Variants in FSTL5 observed in about 807,000 individuals in gnomAD.
The protein encoded by FSTL5 is follistatin like 5, also known as follistatin-related protein 5.
Under a neutral mutation model 89.1 loss-of-function variants are expected in FSTL5, and 62 were observed. The ratio of observed to expected loss-of-function variants is 0.70; its 90% CI spans 0.57 to 0.86. The LOEUF (loss-of-function observed/expected upper bound fraction) is 0.86, where lower values mean the gene tolerates loss of function less well. Among genes scored for constraint, FSTL5 ranks in the 40% least tolerant of loss-of-function variants. The pLI, the probability that FSTL5 is intolerant of heterozygous loss-of-function variation, is 0.00. For missense variants in FSTL5, 1,057 were observed against 1,001.6 expected, an observed-to-expected ratio of 1.06 and a Z score of -0.75; for synonymous variants, 383 against 346.2, an observed-to-expected ratio of 1.11 and a Z score of -1.18.
chr4:161,964,278 C>A (rs1469630636), intron 3 of FSTL5, among the ~76,000 whole-genome samples: 1 of 152,026 alleles, frequency 6.6e-6, no homozygotes, highest in Non-Finnish European at 1.5e-5. Flanking sequence ...CAGAAAATGA[C>A]ATCTTCACAC....
At chr4:161,453,503 G>A (rs1364448442) in intron 15 of FSTL5, among the ~76,000 whole-genome samples, 1 of 152,038 alleles carries the variant, frequency 6.6e-6, no homozygotes, top group Non-Finnish European at 1.5e-5. Flanking sequence ...TTAAGTCCCT[G>A]AGCTATTACA....
chr4:162,074,168 C>T (rs1274590379), intron 2 of FSTL5, among the ~76,000 whole-genome samples: 2 of 151,738 alleles, frequency 1.3e-5, no homozygotes, highest in Non-Finnish European at 2.9e-5. Context: ...AAGTATTTTG[C>T]TCACCACTTA....
chr4:161,811,752 A>G (rs1730154615), intron 4 of FSTL5, among the ~76,000 whole-genome samples: 1 of 152,184 alleles, frequency 6.6e-6, no homozygotes, highest in Non-Finnish European at 1.5e-5. Context: ...AGAAAATTTT[A>G]TGCGCAATAA....
At chr4:161,477,143 A>AT (rs146139397) in intron 13 of FSTL5, among the ~76,000 whole-genome samples, 58,041 of 151,262 alleles carry the variant, frequency 0.38, 11,160 homozygotes, top group East Asian at 0.41. Context: ...TTTTATAATT[A>AT]TTTTTTAAAT....
At chr4:161,582,448 A>G (rs1243238033) in intron 8 of FSTL5, among the ~76,000 whole-genome samples, 3 of 152,134 alleles carry the variant, frequency 2.0e-5, no homozygotes, top group Admixed American at 6.5e-5. Context: ...CTCGTTCCCA[A>G]CTACTGTTTG....
intron 6 of FSTL5, among the ~76,000 whole-genome samples, chr4:161,691,498 T>G (rs1359383070): frequency 6.6e-6 from 1 of 152,144 alleles, no homozygotes; most frequent in Non-Finnish European, 1.5e-5. Flanking sequence ...TCAACATTAT[T>G]TTGGTTATTG....
intron 12 of FSTL5, among the ~76,000 whole-genome samples, chr4:161,494,288 T>C (rs1729990075): frequency 6.6e-6 from 1 of 152,160 alleles, no homozygotes; most frequent in Non-Finnish European, 1.5e-5. Flanking sequence ...ATTCCCTTTC[T>C]GAAAGACAGT....
chr4:161,778,100 AC>A (rs1741486317), intron 4 of FSTL5, among the ~76,000 whole-genome samples: 1 of 147,554 alleles, frequency 6.8e-6, no homozygotes, highest in South Asian at 2.1e-4. Context: ...TATCACACAC[AC>A]ACACACACAC....
intron 4 of FSTL5, among the ~76,000 whole-genome samples, chr4:161,893,815 T>C (rs2110763765): frequency 6.6e-6 from 1 of 152,322 alleles, no homozygotes; most frequent in Middle Eastern, 3.4e-3. Flanking sequence ...GTTCTCTAAA[T>C]TGACATCAGC....
intron 3 of FSTL5, among the ~76,000 whole-genome samples, chr4:161,995,103 G>A (rs992013474): frequency 9.9e-5 from 15 of 152,076 alleles, no homozygotes; most frequent in African/African-American, 3.6e-4. Flanking sequence ...TCTGCATATG[G>A]CTAGCCAGAT....
rs1233550387 is a variant in FSTL5 at position 161,705,958 on chromosome 4, A to ATGTG, written c.728-49465_728-49464insCACA. Among the ~76,000 whole-genome samples, 203 of 52,888 alleles carry ATGTG rather than the reference A, an allele frequency of 3.8e-3. 4 individuals carry two copies. Among genetic ancestry groups the ATGTG allele is most frequent in the African/African-American group, 1.0e-2 (97 of 9,730 alleles). The allele number at this position is 52,888 out of a possible 152,430, so 34.7% of individuals were successfully genotyped here. On this transcript the variant is annotated intron_variant, in intron 6 of 15. Transcript: ENST00000306100. ...TGTGTGTGTGTAGATGTGTGTATAT[A>ATGTG]TATATATATATATATATATATATAT...
chr4:161,972,865 A>C (rs1050409153), intron 3 of FSTL5, among the ~76,000 whole-genome samples: 1 of 152,188 alleles, frequency 6.6e-6, no homozygotes, highest in Admixed American at 6.5e-5. Context: ...TTTTAATAGC[A>C]TCTCCTCTGA....
intron 4 of FSTL5, among the ~76,000 whole-genome samples, chr4:161,845,752 G>A (rs988210895): frequency 1.3e-5 from 2 of 151,940 alleles, no homozygotes; most frequent in Non-Finnish European, 2.9e-5. Context: ...TTTATCTGAC[G>A]TCAAGAATTG....
In FSTL5 at chr4:161,910,906, T is replaced by C. The variant is rs181704200; in HGVS notation, c.409+9498A>G. 2.5e-3 allele frequency among the ~76,000 whole-genome samples: 380 copies of C among 152,292 alleles called. 8 individuals carry two copies. Among genetic ancestry groups the C allele is most frequent in the Non-Finnish European group, 5.4e-4 (37 of 68,006 alleles). On this transcript the variant is annotated intron_variant, in intron 4 of 15. Transcript: ENST00000306100. ...TAATGTATTATTCTGAACTCAAATA[T>C]AAATTATGAATTGACTGCTACATTT...
intron 4 of FSTL5, among the ~76,000 whole-genome samples, chr4:161,846,820 T>C (rs1731383839): frequency 6.6e-6 from 1 of 152,202 alleles, no homozygotes; most frequent in Non-Finnish European, 1.5e-5. Context: ...AGCCATGCAG[T>C]CTTGTATTAC....
rs1281038407 is a variant in FSTL5 at position 161,384,217 on chromosome 4, T to C, written c.*1530A>G. 1 of 152,188 alleles carries C rather than the reference T, an allele frequency of 6.6e-6. No homozygotes were observed. The allele number at this position is 152,188 out of a possible 1,614,324, so 9.4% of individuals were successfully genotyped here. On this transcript the variant is annotated 3_prime_UTR_variant, in exon 16 of 16. Coordinates refer to ENST00000306100, the MANE Select transcript of FSTL5 (RefSeq NM_020116.5). ...TACACACTATAAAATTTCAGGTTTC[T>C]AAGCAGTTTTATACAATTTAAACTT...
chr4:161,395,082 TGA>T lies in FSTL5; in HGVS notation c.1842-8635_1842-8634del, dbSNP rs1490857746. ...TCTAGAAGCAGGTATTCTAAAAACC[TGA>T]GAGTGAACAAATTCTCCAGGTCAAG... On this transcript the variant is annotated intron_variant, in intron 15 of 15. Transcript: ENST00000306100. Among the ~76,000 whole-genome samples the T allele has an allele frequency of 3.3e-5, 5 of 152,126 alleles. No homozygotes were observed. In the East Asian group the frequency reaches 9.6e-4, roughly 29 times the overall value.
chr4:161,610,957 G>A (rs2126635079), intron 7 of FSTL5, among the ~76,000 whole-genome samples: 1 of 151,244 alleles, frequency 6.6e-6, no homozygotes, highest in East Asian at 1.9e-4. Flanking sequence ...AAGGCAAAAT[G>A]GCCACCACAA....
chr4:161,741,228 G>T (rs1740017133), intron 6 of FSTL5, among the ~76,000 whole-genome samples: 1 of 152,178 alleles, frequency 6.6e-6, no homozygotes, highest in South Asian at 2.1e-4. Flanking sequence ...AAATTTACCA[G>T]ATAGAATTAA....
Sources: allele counts gnomAD v4.1 joint callset (sites outside exome capture counted in the v4.1 genomes callset), GRCh38; gene constraint gnomAD v4.1.1; transcripts MANE v1.5; gene names NCBI Gene and HGNC (gene_info 2026-07-23, HGNC 2026-07-21).